Variants in HS3ST2 observed in about 807,000 individuals in gnomAD.
HS3ST2 encodes the protein heparan sulfate glucosamine 3-O-sulfotransferase 2.
HS3ST2 carries 17 observed loss-of-function variants against 26.3 expected under a neutral mutation model. The ratio of observed to expected loss-of-function variants is 0.65; its 90% CI spans 0.44 to 0.97. The LOEUF is 0.97. Ranked by LOEUF, HS3ST2 falls within the 50% of genes least tolerant of loss-of-function variation. HS3ST2 has a pLI of 0.00. For missense variants in HS3ST2, 402 were observed against 501.2 expected (o/e 0.80, Z 1.89); for synonymous variants, 237 against 219.2 (o/e 1.08, Z -0.72).
intron 1 of HS3ST2, among the ~76,000 whole-genome samples, chr16:22,833,927 T>TA (rs564761218): frequency 1.3e-5 from 2 of 151,802 alleles, no homozygotes; most frequent in Non-Finnish European, 2.9e-5. Flanking sequence ...ATTGTTCAGC[T>TA]AAAAAAACAA....
At chr16:22,830,482 A>G (rs1028212666) in intron 1 of HS3ST2, among the ~76,000 whole-genome samples, 1 of 152,222 alleles carries the variant, frequency 6.6e-6, no homozygotes, top group Non-Finnish European at 1.5e-5. Context: ...CTGTAGAATG[A>G]CAGAGGAACA....
chr16:22,833,704 C>G (rs536973510), intron 1 of HS3ST2, among the ~76,000 whole-genome samples: 1 of 152,204 alleles, frequency 6.6e-6, no homozygotes, highest in African/African-American at 2.4e-5. Flanking sequence ...ATTTCCAAAA[C>G]AGTGGAATCA....
At chr16:22,913,928 G>A (rs1158166755) in intron 1 of HS3ST2, among the ~76,000 whole-genome samples, 2 of 152,088 alleles carry the variant, frequency 1.3e-5, no homozygotes, top group Non-Finnish European at 2.9e-5. Context: ...CTTAAGCCCA[G>A]GAGTTCAAGA....
intron 1 of HS3ST2, among the ~76,000 whole-genome samples, chr16:22,824,619 A>T (rs1410597936): frequency 2.0e-5 from 3 of 152,180 alleles, no homozygotes; most frequent in Non-Finnish European, 2.9e-5. Flanking sequence ...TAGGATGTCA[A>T]TTTTGCTTTC....
chr16:22,861,935 C>T (rs1901679892), intron 1 of HS3ST2, among the ~76,000 whole-genome samples: 1 of 152,212 alleles, frequency 6.6e-6, no homozygotes. Flanking sequence ...CAGTATATCC[C>T]ATTGGACAGA....
At chr16:22,896,073 A>G (rs577755675) in intron 1 of HS3ST2, among the ~76,000 whole-genome samples, 1 of 152,106 alleles carries the variant, frequency 6.6e-6, no homozygotes, top group East Asian at 1.9e-4. Context: ...CAGCCTTCCA[A>G]GTAGCTGGGA....
chr16:22,900,754 G>A (rs528340859), intron 1 of HS3ST2, among the ~76,000 whole-genome samples: 1 of 152,272 alleles, frequency 6.6e-6, no homozygotes, highest in Admixed American at 6.5e-5. Context: ...AAGTGCTTCA[G>A]AGGCCACAGA....
chr16:22,868,405 C>CAA (rs77630354), intron 1 of HS3ST2, among the ~76,000 whole-genome samples: 3,711 of 43,392 alleles, frequency 0.086, 347 homozygotes, highest in African/African-American at 0.13. Context: ...AAGACTCCAT[C>CAA]AAAAAAAAAA....
At chr16:22,818,431 A>G (rs1188482315) in intron 1 of HS3ST2, among the ~76,000 whole-genome samples, 2 of 152,188 alleles carry the variant, frequency 1.3e-5, no homozygotes, top group African/African-American at 2.4e-5. Flanking sequence ...TCTATGATAT[A>G]TAAAGACAAG....
intron 1 of HS3ST2, among the ~76,000 whole-genome samples, chr16:22,911,863 C>T (rs1010537873): frequency 6.6e-6 from 1 of 152,080 alleles, no homozygotes; most frequent in Non-Finnish European, 1.5e-5. Context: ...GTGGCTACAC[C>T]GTAATCCCAG....
rs189233707 is a variant in HS3ST2, at chr16:22,912,486, C to G, written c.486-2458C>G. 1.4e-3 allele frequency among the ~76,000 whole-genome samples: 208 copies of G among 152,174 alleles called. 1 individual carries two copies. The highest frequency in any genetic ancestry group is 4.9e-3 in the African/African-American group (203 of 41,522). On this transcript the variant is annotated intron_variant, in intron 1 of 1. Transcript: ENST00000261374. Reference sequence around the variant, plus strand: ...CATAGTGTTAGTGATGCAGGGCAGGCGAGCCTTGGGGAGTTCTTGGCTTTG... The same window carrying G: ...CATAGTGTTAGTGATGCAGGGCAGGGGAGCCTTGGGGAGTTCTTGGCTTTG...
At chr16:22,820,104 A>C (rs923833068) in intron 1 of HS3ST2, among the ~76,000 whole-genome samples, 5 of 152,178 alleles carry the variant, frequency 3.3e-5, no homozygotes, top group Middle Eastern at 3.2e-3. Flanking sequence ...TTTATACAGA[A>C]ATTCCCTGTC....
intron 1 of HS3ST2, among the ~76,000 whole-genome samples, chr16:22,836,162 A>C (rs938045255): frequency 6.6e-6 from 1 of 152,232 alleles, no homozygotes; most frequent in African/African-American, 2.4e-5. Flanking sequence ...AGGATTAGGT[A>C]AAATCTAACA....
chr16:22,866,938 A>G (rs1481192338), intron 1 of HS3ST2, among the ~76,000 whole-genome samples: 2 of 152,240 alleles, frequency 1.3e-5, no homozygotes, highest in East Asian at 3.8e-4. Context: ...TATTCATTTT[A>G]TTCAATTAAA....
chr16:22,819,286 T>G (rs763366077), intron 1 of HS3ST2, among the ~76,000 whole-genome samples: 1 of 151,806 alleles, frequency 6.6e-6, no homozygotes, highest in Non-Finnish European at 1.5e-5. Flanking sequence ...GAAATGGCAA[T>G]GATGCCTGAA....
At chr16:22,865,439 C>T (rs1292281782) in intron 1 of HS3ST2, among the ~76,000 whole-genome samples, 1 of 151,950 alleles carries the variant, frequency 6.6e-6, no homozygotes, top group Non-Finnish European at 1.5e-5. Flanking sequence ...GCCTGTAATC[C>T]CAGCTACTCA....
chr16:22,852,306 C>T (rs1901529345), intron 1 of HS3ST2, among the ~76,000 whole-genome samples: 1 of 152,138 alleles, frequency 6.6e-6, no homozygotes, highest in Admixed American at 6.5e-5. Context: ...CTCTTTGAAA[C>T]CTCTGAGTTT....
At chr16:22,843,891 G>T (rs760288486) in intron 1 of HS3ST2, among the ~76,000 whole-genome samples, 2 of 150,846 alleles carry the variant, frequency 1.3e-5, no homozygotes, top group Non-Finnish European at 3.0e-5. Context: ...CTTGGGGCAG[G>T]CAAGAAAGGA....
rs547213255 is a variant in HS3ST2, at chr16:22,861,396, C to T, written c.485+46301C>T. 2.1e-3 allele frequency among the ~76,000 whole-genome samples: 320 copies of T among 151,832 alleles called. 4 individuals carry two copies. In the Middle Eastern group the frequency reaches 0.037, roughly 18 times the overall value. Reference sequence around the variant, plus strand: ...CAGTTGGCTACTGGCATAGACAGAACCTGTACTTGCTGGAGAGGAGTTTCT... The same window carrying T: ...CAGTTGGCTACTGGCATAGACAGAATCTGTACTTGCTGGAGAGGAGTTTCT... On this transcript the variant is annotated intron_variant, in intron 1 of 1. Transcript: ENST00000261374.
Sources: gnomAD v4.1 joint callset for allele counts (sites outside exome capture counted in the v4.1 genomes callset) on GRCh38, gnomAD v4.1.1 for gene constraint, MANE v1.5 for transcripts, NCBI Gene and HGNC (gene_info 2026-07-23, HGNC 2026-07-21) for gene names.